The following KCNQ5 variants were observed in gnomAD, a reference collection of about 807,000 sequenced individuals.
The protein encoded by KCNQ5 is potassium voltage-gated channel subfamily Q member 5, also known as potassium voltage-gated channel subfamily KQT member 5.
KCNQ5 carries 30 observed loss-of-function variants against 98.2 expected under a neutral mutation model. That is an observed-to-expected ratio of 0.31 (90% CI 0.23 to 0.41). The LOEUF (loss-of-function observed/expected upper bound fraction) is 0.41. Ranked by LOEUF, KCNQ5 falls within the 10% of genes least tolerant of loss-of-function variation. KCNQ5 has a pLI of 1.00. For missense variants in KCNQ5, 835 were observed against 1,182.5 expected (o/e 0.71, Z 4.31); for synonymous variants, 458 against 449.4 (o/e 1.02, Z -0.24).
At chr6:72,842,146 G>T (rs1011401961) in intron 1 of KCNQ5, among the ~76,000 whole-genome samples, 1 of 152,142 alleles carries the variant, frequency 6.6e-6, no homozygotes, top group Non-Finnish European at 1.5e-5. Context: ...TGGTGGAGGA[G>T]GGTCAACTCT....
chr6:73,116,813 T>C (rs1223072382), intron 7 of KCNQ5, among the ~76,000 whole-genome samples: 1 of 152,202 alleles, frequency 6.6e-6, no homozygotes, highest in African/African-American at 2.4e-5. Context: ...AGCCTAAAAC[T>C]TTCAGGACTT....
Position 73,063,686 on chromosome 6 carries a change from T to TAGATAGATGATAGATAGATAGATA in KCNQ5, c.617-13636_617-13635insAGATAGATGATAGATAGATAGATA, listed in dbSNP as rs55995543. ...GATAGATGATAGATAGATAGATAGA[T>TAGATAGATGATAGATAGATAGATA]GATAGATAGATAGATAGATAGATAG... On this transcript the variant is annotated intron_variant, in intron 3 of 13. Coordinates refer to ENST00000370398, the MANE Select transcript of KCNQ5 (RefSeq NM_019842.4). Among the ~76,000 whole-genome samples the TAGATAGATGATAGATAGATAGATA allele has an allele frequency of 3.4e-3, 317 of 93,254 alleles. 8 individuals are homozygous for TAGATAGATGATAGATAGATAGATA. Among genetic ancestry groups the TAGATAGATGATAGATAGATAGATA allele is most frequent in the South Asian group, 6.0e-3 (13 of 2,174 alleles). The allele number at this position is 93,254 out of a possible 152,430, so 61.2% of individuals were successfully genotyped here. A position where few individuals can be genotyped will look rare whatever the true frequency, so the allele number is the denominator to read the frequency against.
intron 1 of KCNQ5, among the ~76,000 whole-genome samples, chr6:73,000,440 A>G (rs572796499): frequency 6.6e-6 from 1 of 152,284 alleles, no homozygotes; most frequent in Admixed American, 6.5e-5. Flanking sequence ...TCAGGATAAC[A>G]TGTTCCATAC....
chr6:72,944,283 G>A (rs1005182217), intron 1 of KCNQ5, among the ~76,000 whole-genome samples: 1 of 151,942 alleles, frequency 6.6e-6, no homozygotes, highest in Non-Finnish European at 1.5e-5. Flanking sequence ...TGTGAGATTT[G>A]GTAAGATTAT....
chr6:73,156,140 T>TA (rs1777353950), intron 10 of KCNQ5, among the ~76,000 whole-genome samples: 1 of 152,154 alleles, frequency 6.6e-6, no homozygotes, highest in Admixed American at 6.5e-5. Context: ...TGAGAAATGA[T>TA]AGCAGAGGGT....
chr6:72,830,493 C>G (rs1562010801), intron 1 of KCNQ5, among the ~76,000 whole-genome samples: 1 of 152,154 alleles, frequency 6.6e-6, no homozygotes, highest in Non-Finnish European at 1.5e-5. Context: ...AAAGGATTCC[C>G]TATTTAATAA....
intron 1 of KCNQ5, among the ~76,000 whole-genome samples, chr6:72,633,770 A>C (rs1013585576): frequency 6.6e-6 from 1 of 152,224 alleles, no homozygotes; most frequent in African/African-American, 2.4e-5. Flanking sequence ...GCCAACAAAA[A>C]CAAGTAATGG....
chr6:72,895,121 A>C (rs1009311094), intron 1 of KCNQ5, among the ~76,000 whole-genome samples: 1 of 149,240 alleles, frequency 6.7e-6, no homozygotes, highest in Non-Finnish European at 1.5e-5. Flanking sequence ...TACTAAAAAA[A>C]AAAAAAAAAA....
chr6:73,133,957 T>C (rs780973461), intron 10 of KCNQ5: 1 of 502,632 alleles, frequency 2.0e-6, no homozygotes. Flanking sequence ...ACTGTCATTC[T>C]GATGTATTTG....
chr6:72,633,132 A>T (rs537895689), intron 1 of KCNQ5, among the ~76,000 whole-genome samples: 3 of 152,222 alleles, frequency 2.0e-5, no homozygotes, highest in African/African-American at 7.2e-5. Context: ...TTCTGATGGT[A>T]TGAGGTGGTA....
chr6:72,996,761 G>A (rs1562117897), intron 1 of KCNQ5, among the ~76,000 whole-genome samples: 1 of 152,204 alleles, frequency 6.6e-6, no homozygotes, highest in Non-Finnish European at 1.5e-5. Flanking sequence ...ACTGAAGAAT[G>A]AGAATGAGTC....
intron 1 of KCNQ5, among the ~76,000 whole-genome samples, chr6:72,864,608 G>A (rs1039886886): frequency 3.9e-5 from 6 of 152,224 alleles, no homozygotes; most frequent in Non-Finnish European, 7.4e-5. Flanking sequence ...ATTTTATGAA[G>A]CCATGCAGAA....
chr6:73,163,700 A>AG (rs1225101407), intron 10 of KCNQ5, among the ~76,000 whole-genome samples: 4 of 152,256 alleles, frequency 2.6e-5, no homozygotes, highest in African/African-American at 4.8e-5. Flanking sequence ...GTGAGCCAAG[A>AG]TCGCGCCACT....
rs3068309 is a variant in KCNQ5, at chr6:72,954,531, C to CTGTGTGTG, written c.399-49351_399-49344dup. ...TCTCGGAAGATCTTTCAAGACTTTT[C>CTGTGTGTG]TGTGTGTGTGTGTGTGTGTGTGTGT... On this transcript the variant is annotated intron_variant, in intron 1 of 13. Transcript: ENST00000370398. Among the ~76,000 whole-genome samples the CTGTGTGTG allele has an allele frequency of 5.5e-4, 83 of 150,550 alleles. No homozygotes were observed. In the East Asian group the frequency reaches 8.8e-3, roughly 16 times the overall value.
chr6:72,745,321 G>A (rs16882798), intron 1 of KCNQ5, among the ~76,000 whole-genome samples: 5,176 of 152,114 alleles, frequency 0.034, 276 homozygotes, highest in African/African-American at 0.12. Context: ...AATTGGGTTC[G>A]CCAGGTTTAG....
At chr6:72,774,187 T>G (rs184419755) in intron 1 of KCNQ5, among the ~76,000 whole-genome samples, 1 of 152,286 alleles carries the variant, frequency 6.6e-6, no homozygotes, top group Admixed American at 6.5e-5. Flanking sequence ...CAAACTTTTC[T>G]TGAAGTGCCC....
intron 1 of KCNQ5, among the ~76,000 whole-genome samples, chr6:72,624,512 A>G (rs1185613279): frequency 6.6e-6 from 1 of 152,178 alleles, no homozygotes; most frequent in Non-Finnish European, 1.5e-5. Flanking sequence ...TTGCAACACA[A>G]CATTTTCTTT....
chr6:72,646,614 A>G (rs17692715), intron 1 of KCNQ5, among the ~76,000 whole-genome samples: 28,162 of 152,056 alleles, frequency 0.19, 2,790 homozygotes, highest in Middle Eastern at 0.27. Flanking sequence ...TTCTGATCAA[A>G]CCCTGTGTAT....
rs570629119 is a variant in KCNQ5 at position 72,718,889 on chromosome 6, CT to C, written c.398+96309del. 2.4e-4 allele frequency among the ~76,000 whole-genome samples: 37 copies of C among 152,032 alleles called. 1 individual carries two copies. In the South Asian group the frequency reaches 7.5e-3, roughly 31 times the overall value. ...AGCCTGCTATTGTATATCAATTGCTCTTTTTTTATTGAAATGTAAAGATAGT... is the reference window on the plus strand; with the variant it reads ...AGCCTGCTATTGTATATCAATTGCTCTTTTTTATTGAAATGTAAAGATAGT... On this transcript the variant is annotated intron_variant, in intron 1 of 13. Transcript: ENST00000370398.
Sources: gnomAD v4.1 joint callset for allele counts (sites outside exome capture counted in the v4.1 genomes callset) on GRCh38, gnomAD v4.1.1 for gene constraint, MANE v1.5 for transcripts, NCBI Gene and HGNC (gene_info 2026-07-23, HGNC 2026-07-21) for gene names.